The following KCNIP4 variants were observed in gnomAD, a reference collection of about 807,000 sequenced individuals.
KCNIP4 encodes Kv channel-interacting protein 4.
In KCNIP4, 12 loss-of-function variants were observed where a neutral mutation model predicts 34.0. The ratio of observed to expected loss-of-function variants is 0.35; its 90% CI spans 0.23 to 0.57. The LOEUF (loss-of-function observed/expected upper bound fraction) is 0.57, where lower values mean the gene tolerates loss of function less well. KCNIP4 is among the 20% of genes least tolerant of loss of function. KCNIP4 has a pLI of 0.83. For synonymous variants in KCNIP4, 124 were observed against 102.2 expected (o/e 1.21, Z -1.29); for missense variants, 238 against 311.7 (o/e 0.76, Z 1.78).
intron 1 of KCNIP4, among the ~76,000 whole-genome samples, chr4:21,803,784 A>G (rs1310545852): frequency 6.6e-6 from 1 of 152,114 alleles, no homozygotes; most frequent in Non-Finnish European, 1.5e-5. Context: ...CACTGATTTC[A>G]TTGGCAATTT....
chr4:21,754,990 T>C (rs1419523041), intron 1 of KCNIP4, among the ~76,000 whole-genome samples: 1 of 152,018 alleles, frequency 6.6e-6, no homozygotes, highest in Non-Finnish European at 1.5e-5. Flanking sequence ...CTACTAAAAA[T>C]ACAAAAATTA....
intron 1 of KCNIP4, among the ~76,000 whole-genome samples, chr4:20,995,143 G>T (rs1737431856): frequency 6.6e-6 from 1 of 152,120 alleles, no homozygotes; most frequent in Admixed American, 6.5e-5. Flanking sequence ...GACTAAAAAG[G>T]TTTGCATGAT....
chr4:21,427,464 G>A (rs898613913), intron 1 of KCNIP4, among the ~76,000 whole-genome samples: 4 of 152,048 alleles, frequency 2.6e-5, no homozygotes, highest in Admixed American at 2.0e-4. Flanking sequence ...ACCAAGTACA[G>A]TCTTCCCTAC....
chr4:21,536,560 C>T (rs987695115), intron 1 of KCNIP4, among the ~76,000 whole-genome samples: 2 of 152,136 alleles, frequency 1.3e-5, no homozygotes, highest in African/African-American at 2.4e-5. Flanking sequence ...AGGCAGATCG[C>T]TTGAGGCCAG....
At chr4:21,686,550 C>T (rs1398505223) in intron 1 of KCNIP4, among the ~76,000 whole-genome samples, 3 of 152,114 alleles carry the variant, frequency 2.0e-5, no homozygotes, top group Non-Finnish European at 2.9e-5. Context: ...AATACAAATA[C>T]ATTGACATTT....
intron 1 of KCNIP4, among the ~76,000 whole-genome samples, chr4:21,003,183 A>T (rs1302144807): frequency 4.6e-5 from 7 of 152,180 alleles, no homozygotes; most frequent in Non-Finnish European, 1.5e-5. Context: ...CCTGAAGGTC[A>T]CAAAGAAAGT....
intron 1 of KCNIP4, among the ~76,000 whole-genome samples, chr4:21,218,097 C>A (rs1757730058): frequency 6.6e-6 from 1 of 151,588 alleles, no homozygotes; most frequent in Non-Finnish European, 1.5e-5. Context: ...CTACCCACAA[C>A]CTCCGCCTCC....
intron 2 of KCNIP4, 85 bp from the exon 3 acceptor site, chr4:20,850,752 A>C: frequency 6.9e-7 from 1 of 1,445,638 alleles, no homozygotes; most frequent in Admixed American, 2.2e-5. Context: ...ACGGAAGAAC[A>C]TGTCTGCTAA....
chr4:21,358,147 C>T (rs1291992522), intron 1 of KCNIP4, among the ~76,000 whole-genome samples: 1 of 152,018 alleles, frequency 6.6e-6, no homozygotes, highest in Non-Finnish European at 1.5e-5. Flanking sequence ...GGGAAGAGAA[C>T]ATCACACAGC....
chr4:21,481,608 T>C (rs1406160231), intron 1 of KCNIP4, among the ~76,000 whole-genome samples: 2 of 152,188 alleles, frequency 1.3e-5, no homozygotes, highest in Admixed American at 6.5e-5. Flanking sequence ...TTAATGGGGT[T>C]ATGTTTAAAA....
At chr4:21,632,019 A>G (rs1197990762) in intron 1 of KCNIP4, among the ~76,000 whole-genome samples, 1 of 152,172 alleles carries the variant, frequency 6.6e-6, no homozygotes, top group Non-Finnish European at 1.5e-5. Context: ...TCTTTGTGCT[A>G]TCACAAGGAA....
At chr4:20,865,311 A>ACTTATTCTTTAAGAATAAGTTCTAAC (rs755296350) in intron 2 of KCNIP4, among the ~76,000 whole-genome samples, 11 of 152,108 alleles carry the variant, frequency 7.2e-5, no homozygotes, top group African/African-American at 2.2e-4. Flanking sequence ...TCAGTGGCTA[A>ACTTATTCTTTAAGAATAAGTTCTAAC]CTTATTCTTT....
intron 2 of KCNIP4, among the ~76,000 whole-genome samples, chr4:20,857,512 G>A (rs1721730217): frequency 6.6e-6 from 1 of 152,062 alleles, no homozygotes. Flanking sequence ...TCTCATGGAT[G>A]TGAAGAAATT....
At chr4:21,439,808 C>T (rs1727295611) in intron 1 of KCNIP4, among the ~76,000 whole-genome samples, 1 of 152,180 alleles carries the variant, frequency 6.6e-6, no homozygotes. Flanking sequence ...TCATTAGCTT[C>T]CTTCAAATTT....
At chr4:20,745,426 T>G (rs185713711) in intron 5 of KCNIP4, among the ~76,000 whole-genome samples, 2 of 152,294 alleles carry the variant, frequency 1.3e-5, no homozygotes, top group African/African-American at 4.8e-5. Flanking sequence ...TGATATCTTT[T>G]CGTGCAAAAG....
At chr4:21,174,563 T>C (rs535715946) in intron 1 of KCNIP4, among the ~76,000 whole-genome samples, 3 of 152,308 alleles carry the variant, frequency 2.0e-5, no homozygotes, top group African/African-American at 7.2e-5. Context: ...TGAACTTTCA[T>C]TGACTCTCTG....
intron 1 of KCNIP4, among the ~76,000 whole-genome samples, chr4:21,193,448 G>A (rs1196864221): frequency 6.6e-6 from 1 of 152,040 alleles, no homozygotes; most frequent in Non-Finnish European, 1.5e-5. Context: ...TATTTTATCA[G>A]CACCTGACTC....
intron 3 of KCNIP4, among the ~76,000 whole-genome samples, chr4:20,759,255 G>A (rs753708612): frequency 2.0e-5 from 3 of 152,038 alleles, no homozygotes; most frequent in Non-Finnish European, 2.9e-5. Flanking sequence ...GTGAATCTTG[G>A]TTTTGTCCTT....
chr4:21,265,670 A>T (rs1027854547), intron 1 of KCNIP4, among the ~76,000 whole-genome samples: 5 of 152,200 alleles, frequency 3.3e-5, no homozygotes, highest in African/African-American at 1.2e-4. Context: ...CTCTGAGGCA[A>T]AGAGATAGAA....
Sources: gnomAD v4.1 joint callset for allele counts (sites outside exome capture counted in the v4.1 genomes callset) on GRCh38, gnomAD v4.1.1 for gene constraint, MANE v1.5 for transcripts, NCBI Gene and HGNC (gene_info 2026-07-23, HGNC 2026-07-21) for gene names.